Variants in DNAJC5 observed in about 807,000 individuals in gnomAD.
The protein encoded by DNAJC5 is DnaJ heat shock protein family (Hsp40) member C5, also known as dnaJ homolog subfamily C member 5.
Under a neutral mutation model 23.2 loss-of-function variants are expected in DNAJC5, and 1 was observed. The ratio of observed to expected loss-of-function variants is 0.04; its 90% confidence interval spans 0.02 to 0.20. The LOEUF (loss-of-function observed/expected upper bound fraction) is 0.20, where lower values mean the gene tolerates loss of function less well. DNAJC5 is among the 10% of genes least tolerant of loss of function. DNAJC5 has a pLI of 1.00. For synonymous variants in DNAJC5, 136 were observed against 120.0 expected (o/e 1.13, Z -0.87); for missense variants, 180 against 267.0 (o/e 0.67, Z 2.27).
intron 1 of DNAJC5, among the ~76,000 whole-genome samples, chr20:63,911,479 G>A (rs1400689224): frequency 6.6e-6 from 1 of 152,192 alleles, no homozygotes; most frequent in Non-Finnish European, 1.5e-5. Flanking sequence ...TGGCTCGGCC[G>A]GGCGCTGCCA....
rs567544751 is a variant in DNAJC5, at chr20:63,897,056, G to A, written c.-12+1733G>A. ...GCATGGGACCCTTGTAAATCTTTTC[G>A]CAACTTTGAATCTATAATTATTTTG... On this transcript the variant is annotated intron_variant, in intron 1 of 4. Transcript: ENST00000360864. 4.6e-5 allele frequency among the ~76,000 whole-genome samples: 7 copies of A among 152,254 alleles called. No homozygotes were observed. In the South Asian group the frequency reaches 6.2e-4, roughly 14 times the overall value.
At chr20:63,912,732 C>T (rs1198991834) in intron 1 of DNAJC5, among the ~76,000 whole-genome samples, 2 of 152,148 alleles carry the variant, frequency 1.3e-5, no homozygotes, top group African/African-American at 2.4e-5. Flanking sequence ...CTCAGCCTCA[C>T]GAGTAGCTGG....
At chr20:63,927,542 C>A (rs548531799) in intron 1 of DNAJC5, among the ~76,000 whole-genome samples, 12 of 149,244 alleles carry the variant, frequency 8.0e-5, no homozygotes, top group African/African-American at 2.7e-4. Context: ...CTGTCCCCCC[C>A]CCCAAAAAAG....
chr20:63,917,660 A>G (rs2053524125), intron 1 of DNAJC5, among the ~76,000 whole-genome samples: 1 of 151,634 alleles, frequency 6.6e-6, no homozygotes, highest in African/African-American at 2.4e-5. Flanking sequence ...GATTCAAGCG[A>G]TTTTCCTGCC....
At chr20:63,901,051 A>G (rs1487092796) in intron 1 of DNAJC5, among the ~76,000 whole-genome samples, 1 of 151,920 alleles carries the variant, frequency 6.6e-6, no homozygotes, top group East Asian at 1.9e-4. Flanking sequence ...TGCCGCTTCC[A>G]CCTCCCGGGT....
At chr20:63,915,722 C>T (rs555006502) in intron 1 of DNAJC5, among the ~76,000 whole-genome samples, 1 of 152,242 alleles carries the variant, frequency 6.6e-6, no homozygotes, top group Non-Finnish European at 1.5e-5. Flanking sequence ...AGTTGGCACA[C>T]CGCCTCAGGC....
chr20:63,934,602 C>T lies in DNAJC5; in HGVS notation c.*3034C>T, dbSNP rs1296568416. 1 of 152,282 alleles carries T rather than the reference C, an allele frequency of 6.6e-6. No individual in the cohort carries two copies. Among genetic ancestry groups the T allele is most frequent in the Admixed American group, 6.5e-5 (1 of 15,288 alleles). The allele number at this position is 152,282 out of a possible 1,614,324, so 9.4% of individuals were successfully genotyped here. On this transcript the variant is annotated 3_prime_UTR_variant, in exon 5 of 5. Coordinates refer to ENST00000360864, the MANE Select transcript of DNAJC5 (RefSeq NM_025219.3). ...GTATAGATTTGTCTCCACTCAGTGA[C>T]GTGGGATTTTTTTGTCTTCCTTTTG... is the stretch of plus-strand genomic sequence containing the variant.
chr20:63,917,394 G>A (rs1290939298), intron 1 of DNAJC5, among the ~76,000 whole-genome samples: 4 of 151,812 alleles, frequency 2.6e-5, no homozygotes, highest in African/African-American at 7.3e-5. Flanking sequence ...AACTGGGACT[G>A]CAGGTGCAAT....
chr20:63,924,780 A>T (rs1483531494), intron 1 of DNAJC5, among the ~76,000 whole-genome samples: 1 of 152,218 alleles, frequency 6.6e-6, no homozygotes, highest in Non-Finnish European at 1.5e-5. Context: ...CGGAGGTTGC[A>T]GTGAGTTGAT....
At chr20:63,900,036 C>T (rs1273562356) in intron 1 of DNAJC5, among the ~76,000 whole-genome samples, 2 of 151,852 alleles carry the variant, frequency 1.3e-5, no homozygotes, top group Non-Finnish European at 2.9e-5. Context: ...TTACAGGCGC[C>T]TGCCATGACA....
At chr20:63,899,829 T>C (rs6011212) in intron 1 of DNAJC5, among the ~76,000 whole-genome samples, 46,495 of 150,462 alleles carry the variant, frequency 0.31, 8,556 homozygotes, top group East Asian at 0.79. Flanking sequence ...GATCCGCCCA[T>C]CTTGGCCTCC....
intron 1 of DNAJC5, among the ~76,000 whole-genome samples, chr20:63,926,887 G>A (rs1254568122): frequency 6.6e-6 from 1 of 152,214 alleles, no homozygotes; most frequent in Non-Finnish European, 1.5e-5. Context: ...CAGCAAAGGA[G>A]ACATGAAATT....
intron 1 of DNAJC5, chr20:63,919,751 G>A (rs778912055): frequency 1.9e-5 from 8 of 424,274 alleles, no homozygotes; most frequent in Non-Finnish European, 1.8e-5. Context: ...GGACGCACCC[G>A]GCTGTGTGCA....
At chr20:63,901,571 G>A (rs548634697) in intron 1 of DNAJC5, among the ~76,000 whole-genome samples, 5 of 152,360 alleles carry the variant, frequency 3.3e-5, no homozygotes, top group East Asian at 1.9e-4. Flanking sequence ...GAGTGGAGGC[G>A]AGCCCAGGCC....
At chr20:63,908,356 G>A (rs1335869186) in intron 1 of DNAJC5, among the ~76,000 whole-genome samples, 1 of 152,226 alleles carries the variant, frequency 6.6e-6, no homozygotes, top group Non-Finnish European at 1.5e-5. Context: ...CGCTGGAAGT[G>A]CTGGAAATAC....
rs186114034 is a variant in DNAJC5, at chr20:63,911,600, G to A, written c.-12+16277G>A. Among the ~76,000 whole-genome samples, 380 of 152,132 alleles carry A rather than the reference G, an allele frequency of 2.5e-3. 1 individual carries two copies. Among genetic ancestry groups the A allele is most frequent in the African/African-American group, 8.7e-3 (362 of 41,514 alleles). On this transcript the variant is annotated intron_variant, in intron 1 of 4. Coordinates refer to ENST00000360864, the MANE Select transcript of DNAJC5 (RefSeq NM_025219.3). ...GTGTTGCGTTAAGCTCAGCATCACT[G>A]TTGCTTTTTATTCTTAGAATTAAGG...
In DNAJC5 at chr20:63,934,201, G is replaced by A. The variant is rs533825911; in HGVS notation, c.*2633G>A. ...TTAATTTAAGGAAAAAGATCCTCCCGGGTTTTATTTCTCTCTTTCTTGAGT... is the reference window on the plus strand; with the variant it reads ...TTAATTTAAGGAAAAAGATCCTCCCAGGTTTTATTTCTCTCTTTCTTGAGT... On this transcript the variant is annotated 3_prime_UTR_variant, in exon 5 of 5. Transcript: ENST00000360864. 5 of 152,306 alleles carry A rather than the reference G, an allele frequency of 3.3e-5. No homozygotes were observed. The highest frequency in any genetic ancestry group is 4.8e-5 in the African/African-American group (2 of 41,556). The allele number at this position is 152,306 out of a possible 1,614,324, so 9.4% of individuals were successfully genotyped here. A position where few individuals can be genotyped will look rare whatever the true frequency, so the allele number is the denominator to read the frequency against.
intron 1 of DNAJC5, among the ~76,000 whole-genome samples, chr20:63,901,677 C>G (rs2053414059): frequency 6.6e-6 from 1 of 152,202 alleles, no homozygotes; most frequent in African/African-American, 2.4e-5. Context: ...CCCTGCCTGG[C>G]TTTTATTTTG....
At chr20:63,901,601 G>A (rs1387761737) in intron 1 of DNAJC5, among the ~76,000 whole-genome samples, 2 of 152,246 alleles carry the variant, frequency 1.3e-5, no homozygotes, top group South Asian at 2.1e-4. Flanking sequence ...TACCCCGGAC[G>A]AGGCTGCAGG....
Sources: allele counts gnomAD v4.1 joint callset (sites outside exome capture counted in the v4.1 genomes callset), GRCh38; gene constraint gnomAD v4.1.1; transcripts MANE v1.5; gene names NCBI Gene and HGNC (gene_info 2026-07-23, HGNC 2026-07-21).